PHACTR2: variants seen among roughly 807,000 people sequenced by gnomAD.
The protein encoded by PHACTR2 is chromosome 6 open reading frame 56.
PHACTR2 carries 30 observed loss-of-function variants against 76.0 expected under a neutral mutation model. The observed-to-expected ratio is 0.39, with a 90% confidence interval of 0.30 to 0.54. The LOEUF (loss-of-function observed/expected upper bound fraction) is 0.54, where lower values mean the gene tolerates loss of function less well. PHACTR2 is among the 20% of genes least tolerant of loss of function. The pLI is 0.61. For synonymous variants in PHACTR2, 292 were observed against 292.5 expected, an observed-to-expected ratio of 1.00 and a Z score of 0.02; for missense variants, 696 against 781.1, an observed-to-expected ratio of 0.89 and a Z score of 1.30.
At chr6:143,670,462 G>A (rs1041160336) in intron 1 of PHACTR2, among the ~76,000 whole-genome samples, 3 of 152,232 alleles carry the variant, frequency 2.0e-5, no homozygotes, top group African/African-American at 4.8e-5. Context: ...CACTCTCCCC[G>A]TCACTTTCAG....
In PHACTR2 at chr6:143,580,583, G is replaced by T. The variant is rs1262505381; in HGVS notation, c.217+43376G>T. 6.6e-6 allele frequency among the ~76,000 whole-genome samples: 1 copy of T among 152,224 alleles called. No homozygotes were observed. The highest frequency in any genetic ancestry group is 1.5e-5 in the Non-Finnish European group (1 of 68,040). ...AGCTACTTGGGAGGCTGAGGCAGGA[G>T]AATTGCTTGAACCCGGGAGGCAGAG... On this transcript the variant is annotated intron_variant, in intron 1 of 11. Coordinates refer to the PHACTR2 transcript ENST00000367584. The surrounding 1 kb of genome is among the most constrained non-coding windows in gnomAD (Gnocchi z 4.2).
chr6:143,708,703 G>A lies in PHACTR2; in HGVS notation c.47-3313G>A, dbSNP rs1465815117. 6.6e-6 allele frequency among the ~76,000 whole-genome samples: 1 copy of A among 152,236 alleles called. No homozygotes were observed. The highest frequency in any genetic ancestry group is 1.5e-5 in the Non-Finnish European group (1 of 68,046). ...CCATACTACTCAAAAGCAGATGACA[G>A]TGGTCCTCACATTCATGATTTAAGA... is the stretch of plus-strand genomic sequence containing the variant. On this transcript the variant is annotated intron_variant, in intron 1 of 12. Transcript: ENST00000440869. This position sits in a 1 kb window ranked among gnomAD's most constrained non-coding sequence, Gnocchi z 5.5.
chr6:143,620,431 G>GTT (rs1156452712), intron 1 of PHACTR2, among the ~76,000 whole-genome samples: 2 of 135,406 alleles, frequency 1.5e-5, no homozygotes, highest in African/African-American at 2.9e-5. Context: ...AAGAAATGAA[G>GTT]TTTTTTTTTT....
At position 143,571,269 on chromosome 6, in the gene PHACTR2, TATC is replaced by T. The variant is rs1205559398; in HGVS notation, c.217+34066_217+34068del. ...GTTTGTCAGATGGTGACTTTCTAGTTATCATCCTTCTGCATTTATCAATTGGAA... is the reference window on the plus strand; with the variant it reads ...GTTTGTCAGATGGTGACTTTCTAGTTATCCTTCTGCATTTATCAATTGGAA... On this transcript the variant is annotated intron_variant, in intron 1 of 11. Transcript: ENST00000367584. This position sits in a 1 kb window ranked among gnomAD's most constrained non-coding sequence, Gnocchi z 4.6. Among the ~76,000 whole-genome samples the T allele has an allele frequency of 3.3e-5, 5 of 152,246 alleles. No individual in the cohort carries two copies. Among genetic ancestry groups the T allele is most frequent in the Admixed American group, 2.0e-4 (3 of 15,286 alleles).
Position 143,652,707 on chromosome 6 carries a change from T to G in PHACTR2, c.13+44385T>G, listed in dbSNP as rs1414781305. On this transcript the variant is annotated intron_variant, in intron 1 of 11. Transcript: ENST00000305766. This position sits in a 1 kb window ranked among gnomAD's most constrained non-coding sequence, Gnocchi z 4.5. ...TGAGTAGGCAAGAAGAGCTGAGATT[T>G]CACCAGAAACAGTGACATTCACACC... Among the ~76,000 whole-genome samples, 1 of 152,238 alleles carries G rather than the reference T, an allele frequency of 6.6e-6. No homozygotes were observed. The highest frequency in any genetic ancestry group is 2.4e-5 in the African/African-American group (1 of 41,470).
At chr6:143,734,555 CT>C (rs1229571447) in intron 2 of PHACTR2, among the ~76,000 whole-genome samples, 1 of 152,166 alleles carries the variant, frequency 6.6e-6, no homozygotes, top group Non-Finnish European at 1.5e-5. Flanking sequence ...GACATGGATG[CT>C]ACTGATTTTG....
rs1775132164 is a variant in PHACTR2 at position 143,554,041 on chromosome 6, C to T, written c.217+16834C>T. ...ACGTTGACATTTTCTCTGAGTGAGA[C>T]TGGGGATCCAGTGGCGGGGGCGCTG... On this transcript the variant is annotated intron_variant, in intron 1 of 11. Transcript: ENST00000367584. This position sits in a 1 kb window ranked among gnomAD's most constrained non-coding sequence, Gnocchi z 5.9. Among the ~76,000 whole-genome samples, 1 of 152,182 alleles carries T rather than the reference C, an allele frequency of 6.6e-6. No individual in the cohort carries two copies. The highest frequency in any genetic ancestry group is 1.5e-5 in the Non-Finnish European group (1 of 68,036).
rs1029116413 is a variant in PHACTR2 at position 143,777,740 on chromosome 6, T to A, written c.1645+357T>A. Among the ~76,000 whole-genome samples, 1 of 152,144 alleles carries A rather than the reference T, an allele frequency of 6.6e-6. No homozygotes were observed. Among genetic ancestry groups the A allele is most frequent in the African/African-American group, 2.4e-5 (1 of 41,442 alleles). On this transcript the variant is annotated intron_variant, in intron 9 of 12. Transcript: ENST00000440869. The surrounding 1 kb of genome is among the most constrained non-coding windows in gnomAD (Gnocchi z 4.6). ...AATGTCAAAGAAAAGGCCAAAAGAA[T>A]CCACAAGGAAACAAATCAAACATTC... is the stretch of plus-strand genomic sequence containing the variant.
intron 1 of PHACTR2, among the ~76,000 whole-genome samples, chr6:143,603,087 G>A (rs1399747339): frequency 6.8e-6 from 1 of 147,356 alleles, no homozygotes; most frequent in East Asian, 2.0e-4. Flanking sequence ...GGAGGCTGCA[G>A]TGAGCCAAGA....
In PHACTR2 at chr6:143,696,136, C is replaced by T. The variant is rs1304249063; in HGVS notation, c.47-15880C>T. On this transcript the variant is annotated intron_variant, in intron 1 of 12. Transcript: ENST00000440869. The surrounding 1 kb of genome is among the most constrained non-coding windows in gnomAD (Gnocchi z 4.1). ...CACGTCCAACTCTTAGCTCCTCTCT[C>T]ATTCTTGTATATGATGTCAACCTTC... Among the ~76,000 whole-genome samples the T allele has an allele frequency of 6.6e-6, 1 of 152,226 alleles. No homozygotes were observed. Among genetic ancestry groups the T allele is most frequent in the Admixed American group, 6.5e-5 (1 of 15,288 alleles).
chr6:143,772,696 G>GAGCTAGATA lies in PHACTR2; in HGVS notation c.1432+239_1432+240insAGCTAGATA, dbSNP rs1775185037. 6.6e-6 allele frequency among the ~76,000 whole-genome samples: 1 copy of GAGCTAGATA among 152,126 alleles called. No homozygotes were observed. Among genetic ancestry groups the GAGCTAGATA allele is most frequent in the Admixed American group, 6.6e-5 (1 of 15,228 alleles). On this transcript the variant is annotated intron_variant, in intron 7 of 12. Transcript: ENST00000440869. This position sits in a 1 kb window ranked among gnomAD's most constrained non-coding sequence, Gnocchi z 5.4. The stretch of plus-strand genomic sequence containing the variant: ...TGTCGATGAGCTAGATGAGCTAGAT[G>GAGCTAGATA]TGCTAGATGTGCATATTAGTATTTG...
Position 143,771,170 on chromosome 6 carries a change from A to ATG in PHACTR2, c.1233-1087_1233-1086insGT, listed in dbSNP as rs1562300708. Among the ~76,000 whole-genome samples, 264 of 27,524 alleles carry ATG rather than the reference A, an allele frequency of 9.6e-3. 8 individuals carry two copies. The highest frequency in any genetic ancestry group is 0.032 in the African/African-American group (233 of 7,394). 18.1% of individuals were successfully genotyped at this position (27,524 alleles called of 152,430 possible). A position where few individuals can be genotyped will look rare whatever the true frequency, so the allele number is the denominator to read the frequency against. ...TATATATATATATGTATATATATAT[A>ATG]TATGTATATATATATATATGTGTGT... is the stretch of plus-strand genomic sequence containing the variant. On this transcript the variant is annotated intron_variant, in intron 6 of 12. Coordinates refer to ENST00000440869, the MANE Select transcript of PHACTR2 (RefSeq NM_001100164.2).
At chr6:143,724,788 C>G (rs1402939178) in intron 2 of PHACTR2, among the ~76,000 whole-genome samples, 1 of 152,340 alleles carries the variant, frequency 6.6e-6, no homozygotes, top group African/African-American at 2.4e-5. Flanking sequence ...ACACAAGTAG[C>G]TTTTTGACTT....
intron 1 of PHACTR2, among the ~76,000 whole-genome samples, chr6:143,655,770 C>T (rs1430415789): frequency 6.6e-6 from 1 of 152,130 alleles, no homozygotes; most frequent in Non-Finnish European, 1.5e-5. Flanking sequence ...CACCTATTAC[C>T]ACATACTTGC....
rs1776709251 is a variant in PHACTR2, at chr6:143,648,992, C to T, written c.13+40670C>T. Among the ~76,000 whole-genome samples the T allele has an allele frequency of 7.4e-6, 1 of 134,628 alleles. No individual in the cohort carries two copies. Among genetic ancestry groups the T allele is most frequent in the African/African-American group, 3.1e-5 (1 of 32,056 alleles). 88.3% of individuals were successfully genotyped at this position (134,628 alleles called of 152,430 possible). A position where few individuals can be genotyped will look rare whatever the true frequency, so the allele number is the denominator to read the frequency against. On this transcript the variant is annotated intron_variant, in intron 1 of 11. Coordinates refer to the PHACTR2 transcript ENST00000305766. This position sits in a 1 kb window ranked among gnomAD's most constrained non-coding sequence, Gnocchi z 6.7. Reference sequence around the variant, plus strand: ...TGTGTATGACTGTTTCTATGTATGTCTCTGTGTGTCTCTGTGTGTGTCTGT... The same window carrying T: ...TGTGTATGACTGTTTCTATGTATGTTTCTGTGTGTCTCTGTGTGTGTCTGT...
rs1778164233 is a variant in PHACTR2 at position 143,710,974 on chromosome 6, C to T, written c.47-1042C>T. 1 of 505,760 alleles carries T rather than the reference C, an allele frequency of 2.0e-6. No homozygotes were observed. Among genetic ancestry groups the T allele is most frequent in the Non-Finnish European group, 3.9e-6 (1 of 253,534 alleles). 31.3% of individuals were successfully genotyped at this position (505,760 alleles called of 1,614,324 possible). ...TTTTGACGGACATCAGTACACTTCA[C>T]CTCTAAACACTTCAGCATACATGTC... is the stretch of plus-strand genomic sequence containing the variant. On this transcript the variant is annotated intron_variant, in intron 1 of 12. Coordinates refer to ENST00000440869, the MANE Select transcript of PHACTR2 (RefSeq NM_001100164.2). This position sits in a 1 kb window ranked among gnomAD's most constrained non-coding sequence, Gnocchi z 4.9.
chr6:143,706,309 C>T (rs1778051959), intron 1 of PHACTR2, among the ~76,000 whole-genome samples: 1 of 152,206 alleles, frequency 6.6e-6, no homozygotes, highest in Non-Finnish European at 1.5e-5. Flanking sequence ...GTTGGGCGTG[C>T]TCATTGCTAC....
upstream of PHACTR2, among the ~76,000 whole-genome samples, chr6:143,674,422 A>C (rs1464811742): frequency 1.3e-5 from 2 of 152,156 alleles, no homozygotes; most frequent in African/African-American, 2.4e-5. This position sits in a 1 kb window ranked among gnomAD's most constrained non-coding sequence, Gnocchi z 4.9. Flanking sequence ...TTAAGAAATA[A>C]TTTTTCTATT....
rs574513276 is a variant in PHACTR2 at position 143,583,135 on chromosome 6, A to G, written c.217+45928A>G. On this transcript the variant is annotated intron_variant, in intron 1 of 11. Transcript: ENST00000367584. This position sits in a 1 kb window ranked among gnomAD's most constrained non-coding sequence, Gnocchi z 4.0. ...TGTCTTTGAATATAATGATGGGGCGACCATTCTTGCCATAATAGCCAGGAT... is the reference window on the plus strand; with the variant it reads ...TGTCTTTGAATATAATGATGGGGCGGCCATTCTTGCCATAATAGCCAGGAT... 2.0e-5 allele frequency among the ~76,000 whole-genome samples: 3 copies of G among 152,336 alleles called. No individual in the cohort carries two copies. Among genetic ancestry groups the G allele is most frequent in the Non-Finnish European group, 4.4e-5 (3 of 68,032 alleles).
Sources: allele counts gnomAD v4.1 joint callset (sites outside exome capture counted in the v4.1 genomes callset), GRCh38; gene constraint gnomAD v4.1.1; non-coding constraint Gnocchi (gnomAD v3.1); transcripts MANE v1.5; gene names NCBI Gene and HGNC (gene_info 2026-07-23, HGNC 2026-07-21).